The following ST3GAL2 variants were observed in gnomAD, a reference collection of about 807,000 sequenced individuals.
ST3GAL2 encodes CMP-N-acetylneuraminate-beta-galactosamide-alpha-2,3-sialyltransferase 2.
ST3GAL2 carries 16 observed loss-of-function variants against 37.5 expected under a neutral mutation model. The observed-to-expected ratio is 0.43, with a 90% CI of 0.29 to 0.65. The LOEUF (loss-of-function observed/expected upper bound fraction) is 0.65, where lower values mean the gene tolerates loss of function less well. Among genes scored for constraint, ST3GAL2 ranks in the 30% least tolerant of loss-of-function variants. ST3GAL2 has a pLI of 0.17. For missense variants in ST3GAL2, 383 were observed against 487.8 expected, an observed-to-expected ratio of 0.79 and a Z score of 2.02; for synonymous variants, 238 against 202.9, an observed-to-expected ratio of 1.17 and a Z score of -1.47.
At chr16:70,431,544 C>T (rs2047789866) in intron 1 of ST3GAL2, among the ~76,000 whole-genome samples, 1 of 152,048 alleles carries the variant, frequency 6.6e-6, no homozygotes. Flanking sequence ...GATACCAGAA[C>T]TATGTGTGTT....
intron 1 of ST3GAL2, among the ~76,000 whole-genome samples, chr16:70,409,301 G>T (rs932964571): frequency 6.6e-6 from 1 of 152,018 alleles, no homozygotes; most frequent in South Asian, 2.1e-4. Context: ...ACCTGTGTGG[G>T]GAAGACCAGG....
intron 1 of ST3GAL2, among the ~76,000 whole-genome samples, chr16:70,438,397 C>A (rs1268695853): frequency 6.6e-6 from 1 of 152,166 alleles, no homozygotes; most frequent in East Asian, 1.9e-4. Context: ...TGGCTTCAGC[C>A]GTGCCTCAGT....
At chr16:70,433,079 C>T (rs900052126) in intron 1 of ST3GAL2, among the ~76,000 whole-genome samples, 2 of 151,810 alleles carry the variant, frequency 1.3e-5, no homozygotes, top group African/African-American at 4.9e-5. Flanking sequence ...TCACCTTCTC[C>T]TAAACTCTTC....
At chr16:70,418,148 T>C (rs988095679) in intron 1 of ST3GAL2, among the ~76,000 whole-genome samples, 5 of 152,160 alleles carry the variant, frequency 3.3e-5, no homozygotes, top group African/African-American at 1.2e-4. Context: ...TTCTGCACAG[T>C]TATTGATCGA....
At chr16:70,419,689 G>A (rs1343877926) in intron 1 of ST3GAL2, among the ~76,000 whole-genome samples, 2 of 152,226 alleles carry the variant, frequency 1.3e-5, no homozygotes, top group Non-Finnish European at 2.9e-5. Flanking sequence ...GGCGGCCAGA[G>A]GTCAGAGCAG....
chr16:70,378,576 CCT>C lies in ST3GAL2; in HGVS notation c.*3111_*3112del, dbSNP rs1437346224. 6.6e-6 allele frequency: 1 copy of C among 150,900 alleles called. No individual in the cohort carries two copies. The highest frequency in any genetic ancestry group is 1.5e-5 in the Non-Finnish European group (1 of 67,964). The allele number at this position is 150,900 out of a possible 1,614,324, so 9.3% of individuals were successfully genotyped here. The stretch of plus-strand genomic sequence containing the variant: ...AAACTGCCGGGCATCGTGGCGGTCA[CCT>C]GTAGTCTCAGCTACTCGGGAGACTG... On this transcript the variant is annotated 3_prime_UTR_variant, in exon 7 of 7. Coordinates refer to ENST00000342907, the MANE Select transcript of ST3GAL2 (RefSeq NM_006927.4).
rs2047361446 is a variant in ST3GAL2, at chr16:70,377,858, A to G, written c.*3831T>C. 1 of 152,094 alleles carries G rather than the reference A, an allele frequency of 6.6e-6. No homozygotes were observed. The highest frequency in any genetic ancestry group is 2.4e-5 in the African/African-American group (1 of 41,414). 9.4% of individuals were successfully genotyped at this position (152,094 alleles called of 1,614,324 possible). ...AAATATAAGCAACCAGGAGTGAAACACACCTGTGGAGGCAGGGAACTCAGG... is the reference window on the plus strand; with the variant it reads ...AAATATAAGCAACCAGGAGTGAAACGCACCTGTGGAGGCAGGGAACTCAGG... On this transcript the variant is annotated 3_prime_UTR_variant, in exon 7 of 7. Coordinates refer to ENST00000342907, the MANE Select transcript of ST3GAL2 (RefSeq NM_006927.4).
At chr16:70,434,507 A>G (rs1227448341) in intron 1 of ST3GAL2, among the ~76,000 whole-genome samples, 1 of 152,126 alleles carries the variant, frequency 6.6e-6, no homozygotes, top group Non-Finnish European at 1.5e-5. Context: ...TTTGTTGAGC[A>G]CATCAAGGAG....
At chr16:70,425,438 G>A (rs1389605561) in intron 1 of ST3GAL2, among the ~76,000 whole-genome samples, 1 of 152,172 alleles carries the variant, frequency 6.6e-6, no homozygotes, top group African/African-American at 2.4e-5. Flanking sequence ...CTCCAGCCTG[G>A]GTGACAGAGT....
At position 70,398,780 on chromosome 16, in the gene ST3GAL2, C is replaced by T. The variant is rs1281152118; in HGVS notation, c.-250G>A. On this transcript the variant is annotated 5_prime_UTR_variant, in exon 2 of 7. Coordinates refer to ENST00000342907, the MANE Select transcript of ST3GAL2 (RefSeq NM_006927.4). ...TGCTTAGGGCTTCATCGGGTCTCTC[C>T]GTCACTAGCTAGGCCACAGAGGCTC... is the stretch of plus-strand genomic sequence containing the variant. 11 of 583,904 alleles carry T rather than the reference C, an allele frequency of 1.9e-5. No individual in the cohort carries two copies. Among genetic ancestry groups the T allele is most frequent in the Middle Eastern group, 4.5e-4 (1 of 2,198 alleles). 36.2% of individuals were successfully genotyped at this position (583,904 alleles called of 1,614,324 possible). A position where few individuals can be genotyped will look rare whatever the true frequency, so the allele number is the denominator to read the frequency against.
At chr16:70,383,383 A>G in intron 4 of ST3GAL2, 148 bp from the exon 5 acceptor site, 1 of 648,238 alleles carries the variant, frequency 1.5e-6, no homozygotes, top group Non-Finnish European at 2.4e-6. Context: ...CAGGAGTTTG[A>G]GGCCAGCCTG....
chr16:70,408,912 AAAAAAAAAAAAAAAAG>A (rs2047614667), intron 1 of ST3GAL2, among the ~76,000 whole-genome samples: 1 of 120,392 alleles, frequency 8.3e-6, no homozygotes, highest in Non-Finnish European at 1.6e-5. Context: ...AAAAAAAAAA[AAAAAAAAAAAAAAAAG>A]AAAGAAAAAA....
chr16:70,404,293 G>A (rs1044959290), intron 1 of ST3GAL2, among the ~76,000 whole-genome samples: 1 of 152,164 alleles, frequency 6.6e-6, no homozygotes, highest in African/African-American at 2.4e-5. Flanking sequence ...GAAGCCAAGA[G>A]AAGAAAGTTT....
intron 3 of ST3GAL2, 52 bp downstream of exon 3, chr16:70,394,930 C>T (rs1195881181): frequency 3.8e-6 from 6 of 1,582,006 alleles, no homozygotes; most frequent in Non-Finnish European, 5.1e-6. Context: ...GAGGGCAGTC[C>T]CCTTCCCGGA....
At chr16:70,434,077 C>A (rs1028838337) in intron 1 of ST3GAL2, among the ~76,000 whole-genome samples, 1 of 152,144 alleles carries the variant, frequency 6.6e-6, no homozygotes, top group African/African-American at 2.4e-5. Context: ...TCTTATCCCC[C>A]TCCCAGGAAC....
In ST3GAL2 at chr16:70,381,632, C is replaced by T. The variant is rs557284661; in HGVS notation, c.*57G>A. 4 of 1,584,264 alleles carry T rather than the reference C, an allele frequency of 2.5e-6. No homozygotes were observed. The highest frequency in any genetic ancestry group is 2.3e-5 in the East Asian group (1 of 44,306). On this transcript the variant is annotated 3_prime_UTR_variant, in exon 7 of 7. Transcript: ENST00000342907. The stretch of plus-strand genomic sequence containing the variant: ...GTCGCGGGTTGCTGGTCCTGGGTCC[C>T]GGGCCGGAGCCCCGGTGCCCGATAG...
intron 4 of ST3GAL2, among the ~76,000 whole-genome samples, chr16:70,387,836 C>T (rs1051937398): frequency 1.3e-5 from 2 of 152,044 alleles, no homozygotes; most frequent in Non-Finnish European, 2.9e-5. Flanking sequence ...ATGGTCTGGC[C>T]GGGTGCGGTG....
intron 1 of ST3GAL2, among the ~76,000 whole-genome samples, chr16:70,410,336 T>C (rs1295841570): frequency 2.2e-5 from 3 of 138,618 alleles, no homozygotes; most frequent in South Asian, 5.1e-4. Flanking sequence ...CTGCAAGCTC[T>C]GCCTCCCAGG....
At chr16:70,385,254 C>T (rs2047434164) in intron 4 of ST3GAL2, among the ~76,000 whole-genome samples, 1 of 152,040 alleles carries the variant, frequency 6.6e-6, no homozygotes, top group African/African-American at 2.4e-5. Flanking sequence ...CGAGAAGGCG[C>T]CATTGCACTC....
Sources: gnomAD v4.1 joint callset for allele counts (sites outside exome capture counted in the v4.1 genomes callset) on GRCh38, gnomAD v4.1.1 for gene constraint, MANE v1.5 for transcripts, NCBI Gene and HGNC (gene_info 2026-07-23, HGNC 2026-07-21) for gene names.